The following NCALD variants were observed in gnomAD, a reference collection of about 807,000 sequenced individuals.
NCALD encodes neurocalcin delta.
In NCALD, 10 loss-of-function variants were observed where a neutral mutation model predicts 18.6. The ratio of observed to expected loss-of-function variants is 0.54; its 90% CI spans 0.33 to 0.91. NCALD has a LOEUF of 0.91. Ranked by LOEUF, NCALD falls within the 40% of genes least tolerant of loss-of-function variation. The pLI is 0.03. For missense variants in NCALD, 184 were observed against 247.6 expected (o/e 0.74, Z 1.72); for synonymous variants, 88 against 87.4 (o/e 1.01, Z -0.04).
chr8:101,988,319 T>A (rs1346848503), intron 2 of NCALD, among the ~76,000 whole-genome samples: 1 of 152,162 alleles, frequency 6.6e-6, no homozygotes, highest in Non-Finnish European at 1.5e-5. Context: ...AACATATGCA[T>A]GTATGCGTGC....
intron 2 of NCALD, among the ~76,000 whole-genome samples, chr8:101,940,677 C>G (rs1818922441): frequency 6.6e-6 from 1 of 152,128 alleles, no homozygotes; most frequent in Non-Finnish European, 1.5e-5. Context: ...ACAACCTAAA[C>G]CCAGAAGGAG....
intron 2 of NCALD, among the ~76,000 whole-genome samples, chr8:101,962,442 G>A (rs1819870154): frequency 6.6e-6 from 1 of 152,198 alleles, no homozygotes; most frequent in African/African-American, 2.4e-5. Flanking sequence ...GCTGGCCTAT[G>A]CAGCACCTAG....
chr8:101,855,490 T>C (rs986144365), intron 4 of NCALD, among the ~76,000 whole-genome samples: 37 of 152,160 alleles, frequency 2.4e-4, no homozygotes, highest in Admixed American at 2.4e-3. Flanking sequence ...AACTTTAGTT[T>C]CAATAAGCCA....
chr8:102,080,158 G>T (rs1276226635), intron 1 of NCALD, among the ~76,000 whole-genome samples: 1 of 152,204 alleles, frequency 6.6e-6, no homozygotes, highest in Non-Finnish European at 1.5e-5. Flanking sequence ...GACTTCATAT[G>T]AAAGGTTAAT....
intron 2 of NCALD, among the ~76,000 whole-genome samples, chr8:101,972,757 C>T (rs904371633): frequency 1.3e-5 from 2 of 152,106 alleles, no homozygotes; most frequent in African/African-American, 4.8e-5. Flanking sequence ...ATGAGTAAAC[C>T]CTTCTCTCCC....
intron 1 of NCALD, among the ~76,000 whole-genome samples, chr8:101,741,725 G>A (rs7013506): frequency 0.62 from 85,539 of 138,036 alleles, 28,688 homozygotes; most frequent in Non-Finnish European, 0.75. Context: ...CCAGAAGTTC[G>A]AGACCAGCCT....
At chr8:102,065,022 A>AT (rs1823961336) in intron 1 of NCALD, among the ~76,000 whole-genome samples, 1 of 151,348 alleles carries the variant, frequency 6.6e-6, no homozygotes, top group Non-Finnish European at 1.5e-5. Context: ...AAAAAAAAAA[A>AT]AAAAAAAAAA....
rs118117145 is a variant in NCALD, at chr8:101,709,114, G to A, written c.378+10138C>T. ...CTCCACAGTGTGGGAGCGGGCCTGC[G>A]CATAGGGGCTCACAGGCCCCATTAC... On this transcript the variant is annotated intron_variant, in intron 2 of 3. Coordinates refer to ENST00000220931, the MANE Select transcript of NCALD (RefSeq NM_032041.3). Among the ~76,000 whole-genome samples the A allele has an allele frequency of 2.2e-3, 331 of 152,336 alleles. 5 individuals are homozygous for A. The East Asian group carries it at 0.055, about 25-fold the overall frequency.
chr8:101,709,088 A>C (rs1211434769), intron 2 of NCALD, among the ~76,000 whole-genome samples: 1 of 152,124 alleles, frequency 6.6e-6, no homozygotes, highest in Admixed American at 6.5e-5. Context: ...ATGAAAGTAC[A>C]CTCCACAGTG....
At position 101,805,647 on chromosome 8, in the gene NCALD, TC is replaced by T. The variant is rs113749197; in HGVS notation, c.-20+81493del. Among the ~76,000 whole-genome samples, 872 of 152,208 alleles carry T rather than the reference TC, an allele frequency of 5.7e-3. 11 individuals carry two copies. The highest frequency in any genetic ancestry group is 0.018 in the African/African-American group (766 of 41,542). ...ATAAGAACAGAGAGCTCTGAAGCTC[TC>T]CCCCAAAGGAGCTGACTTTATTTGT... On this transcript the variant is annotated intron_variant, in intron 4 of 6. Coordinates refer to the NCALD transcript ENST00000311028.
intron 3 of NCALD, among the ~76,000 whole-genome samples, chr8:101,893,158 G>A (rs1264950): frequency 0.06 from 9,027 of 151,610 alleles, 402 homozygotes; most frequent in African/African-American, 0.13. Flanking sequence ...GACTAACAGC[G>A]GATCTCTCAG....
chr8:102,005,486 A>G, intron 2 of NCALD, among the ~76,000 whole-genome samples: 1 of 152,194 alleles, frequency 6.6e-6, no homozygotes, highest in Non-Finnish European at 1.5e-5. Flanking sequence ...TCAGGGATCT[A>G]GAACTAGAAA....
At chr8:102,031,759 A>G (rs1385372226) in intron 1 of NCALD, among the ~76,000 whole-genome samples, 3 of 152,206 alleles carry the variant, frequency 2.0e-5, no homozygotes, top group Admixed American at 2.0e-4. Context: ...TCAATATTAG[A>G]AAAAAGTTAG....
At chr8:101,804,531 T>TAATATATAATTAATATA (rs1813009846) in intron 4 of NCALD, among the ~76,000 whole-genome samples, 1 of 122,798 alleles carries the variant, frequency 8.1e-6, no homozygotes, top group Non-Finnish European at 1.6e-5. Context: ...AAAGATTATA[T>TAATATATAATTAATATA]AATATATAAT....
chr8:102,022,308 T>C (rs1284747608), intron 1 of NCALD, among the ~76,000 whole-genome samples: 1 of 152,236 alleles, frequency 6.6e-6, no homozygotes. Flanking sequence ...CAGTATTCTA[T>C]GATCATTTCA....
chr8:101,891,603 G>C (rs990292847), intron 3 of NCALD, among the ~76,000 whole-genome samples: 3 of 152,338 alleles, frequency 2.0e-5, no homozygotes, highest in Admixed American at 6.5e-5. Context: ...CTGAGGTATC[G>C]GGTTCATCTC....
intron 4 of NCALD, among the ~76,000 whole-genome samples, chr8:101,831,624 T>C (rs1814190069): frequency 6.6e-6 from 1 of 152,146 alleles, no homozygotes; most frequent in South Asian, 2.1e-4. Context: ...TGTGAGCTCC[T>C]CTTAACCTTT....
At chr8:101,800,187 T>G (rs1240304791) in intron 4 of NCALD, among the ~76,000 whole-genome samples, 1 of 152,142 alleles carries the variant, frequency 6.6e-6, no homozygotes, top group African/African-American at 2.4e-5. Context: ...AATACTAATT[T>G]TATAAAATTA....
chr8:101,749,103 C>T (rs879377107), intron 1 of NCALD, among the ~76,000 whole-genome samples: 4 of 152,186 alleles, frequency 2.6e-5, no homozygotes, highest in African/African-American at 9.7e-5. Context: ...CAAAACTTCC[C>T]GAAGCCAATG....
Sources: gnomAD v4.1 joint callset for allele counts (sites outside exome capture counted in the v4.1 genomes callset) on GRCh38, gnomAD v4.1.1 for gene constraint, MANE v1.5 for transcripts, NCBI Gene and HGNC (gene_info 2026-07-23, HGNC 2026-07-21) for gene names.